EDIL3: variants seen among roughly 807,000 people sequenced by gnomAD.
EDIL3 encodes EGF-like repeat and discoidin I-like domain-containing protein 3.
A neutral mutation model predicts 67.4 loss-of-function variants in EDIL3; 37 were observed. The observed-to-expected ratio is 0.55, with a 90% CI of 0.42 to 0.72. The LOEUF is 0.72. EDIL3 is among the 30% of genes least tolerant of loss of function. EDIL3 has a pLI of 0.00. For synonymous variants in EDIL3, 195 were observed against 196.3 expected (o/e 0.99, Z 0.05); for missense variants, 527 against 586.3 (o/e 0.90, Z 1.04).
At chr5:84,004,135 A>C (rs1408193845) in intron 9 of EDIL3, among the ~76,000 whole-genome samples, 1 of 152,226 alleles carries the variant, frequency 6.6e-6, no homozygotes, top group Non-Finnish European at 1.5e-5. Context: ...AACTATCCTA[A>C]ATATACAGGC....
intron 1 of EDIL3, among the ~76,000 whole-genome samples, chr5:84,288,831 G>A (rs1242777354): frequency 1.3e-5 from 2 of 151,532 alleles, no homozygotes; most frequent in Non-Finnish European, 2.9e-5. Flanking sequence ...CTTGTTTATT[G>A]TCTCTCTTCC....
At chr5:83,959,529 A>T (rs1308045033) in intron 10 of EDIL3, among the ~76,000 whole-genome samples, 1 of 151,044 alleles carries the variant, frequency 6.6e-6, no homozygotes, top group Non-Finnish European at 1.5e-5. Context: ...GCATCTATAA[A>T]ACATCTCACA....
chr5:84,313,275 C>T (rs537670761), intron 1 of EDIL3, among the ~76,000 whole-genome samples: 3 of 152,258 alleles, frequency 2.0e-5, no homozygotes, highest in African/African-American at 7.2e-5. Flanking sequence ...GGAAAAATAA[C>T]CTAAGTCATC....
chr5:84,128,155 T>C (rs985910293), intron 5 of EDIL3, among the ~76,000 whole-genome samples: 1 of 152,122 alleles, frequency 6.6e-6, no homozygotes, highest in Non-Finnish European at 1.5e-5. Flanking sequence ...GCTGTTGCTG[T>C]CACTGCCAAA....
intron 3 of EDIL3, among the ~76,000 whole-genome samples, chr5:84,210,581 A>G (rs570743798): frequency 2.0e-5 from 3 of 152,296 alleles, no homozygotes; most frequent in African/African-American, 7.2e-5. Flanking sequence ...AATTAAAAAA[A>G]AACATATAAG....
At chr5:84,132,320 AT>A (rs1489252134) in intron 5 of EDIL3, among the ~76,000 whole-genome samples, 2 of 82,258 alleles carry the variant, frequency 2.4e-5, no homozygotes, top group African/African-American at 1.0e-4. Context: ...TATTATATAT[AT>A]TTTATATAAT....
intron 1 of EDIL3, among the ~76,000 whole-genome samples, chr5:84,261,505 T>A (rs1415769191): frequency 6.6e-6 from 1 of 152,220 alleles, no homozygotes; most frequent in Non-Finnish European, 1.5e-5. Context: ...GTTAAGAAGG[T>A]GCAATCTGAT....
chr5:84,256,148 C>CATCTATCT (rs1554038573), intron 1 of EDIL3, among the ~76,000 whole-genome samples: 3 of 146,544 alleles, frequency 2.0e-5, no homozygotes, highest in Non-Finnish European at 3.0e-5. Context: ...ATCTATCTAT[C>CATCTATCT]ATCTATCTAT....
chr5:83,965,444 G>A (rs1744672128), intron 9 of EDIL3, among the ~76,000 whole-genome samples: 1 of 151,954 alleles, frequency 6.6e-6, no homozygotes, highest in Non-Finnish European at 1.5e-5. Flanking sequence ...TAATGTTGCT[G>A]GCACTCAATA....
intron 2 of EDIL3, among the ~76,000 whole-genome samples, chr5:84,231,181 G>T (rs554247585): frequency 6.6e-6 from 1 of 152,258 alleles, no homozygotes; most frequent in East Asian, 1.9e-4. Context: ...TGTTTTAAGA[G>T]GTAGGAAGGT....
chr5:84,326,822 CTT>C (rs1341280722), intron 1 of EDIL3, among the ~76,000 whole-genome samples: 6 of 151,734 alleles, frequency 4.0e-5, no homozygotes, highest in Non-Finnish European at 8.8e-5. Flanking sequence ...TACATTCTCT[CTT>C]TGAGAAAATA....
intron 9 of EDIL3, among the ~76,000 whole-genome samples, chr5:84,004,779 A>G (rs1241606156): frequency 6.6e-6 from 1 of 152,156 alleles, no homozygotes; most frequent in Non-Finnish European, 1.5e-5. Flanking sequence ...TAGAGGAACT[A>G]GAACAACAAG....
At chr5:84,063,870 A>G (rs953473446) in intron 8 of EDIL3, among the ~76,000 whole-genome samples, 4 of 152,152 alleles carry the variant, frequency 2.6e-5, no homozygotes, top group African/African-American at 7.2e-5. Flanking sequence ...ATTTCAGGCC[A>G]CTGCAGCAAA....
At chr5:84,244,444 ATT>A (rs527421932) in intron 2 of EDIL3, among the ~76,000 whole-genome samples, 16 of 131,658 alleles carry the variant, frequency 1.2e-4, no homozygotes, top group Middle Eastern at 4.0e-3. Flanking sequence ...ACACCTGGCT[ATT>A]TTTTTTTTTT....
At chr5:83,958,052 T>C (rs1187111654) in intron 10 of EDIL3, among the ~76,000 whole-genome samples, 4 of 151,692 alleles carry the variant, frequency 2.6e-5, no homozygotes, top group Admixed American at 6.6e-5. Context: ...TATTAAAATT[T>C]AATCTTATTT....
chr5:83,970,696 A>G (rs1487871066), intron 9 of EDIL3, among the ~76,000 whole-genome samples: 1 of 133,674 alleles, frequency 7.5e-6, no homozygotes, highest in African/African-American at 3.0e-5. Flanking sequence ...TAAGAACATA[A>G]TTTTTTCAAC....
Position 84,266,837 on chromosome 5 carries a change from C to A in EDIL3, c.68-12625G>T, listed in dbSNP as rs1745362580. Among the ~76,000 whole-genome samples the A allele has an allele frequency of 1.3e-5, 2 of 152,080 alleles. 1 individual carries two copies. The highest frequency in any genetic ancestry group is 4.1e-4 in the South Asian group (2 of 4,830). On this transcript the variant is annotated intron_variant, in intron 1 of 10. Transcript: ENST00000296591. ...TCATATACCCTTGGATTCTTCTATT[C>A]CATTTAGTAGCCTATTTGTTAGTAT...
At chr5:84,274,513 GA>G (rs912434146) in intron 1 of EDIL3, among the ~76,000 whole-genome samples, 1 of 151,780 alleles carries the variant, frequency 6.6e-6, no homozygotes, top group African/African-American at 2.4e-5. Context: ...TTAAGTAGTT[GA>G]AAAAATGCTT....
chr5:84,045,534 T>C (rs991668367), intron 9 of EDIL3, among the ~76,000 whole-genome samples: 1 of 152,158 alleles, frequency 6.6e-6, no homozygotes, highest in Non-Finnish European at 1.5e-5. Flanking sequence ...TGTACATCTA[T>C]TTTTTAAAAT....
Sources: allele counts gnomAD v4.1 joint callset (sites outside exome capture counted in the v4.1 genomes callset), GRCh38; gene constraint gnomAD v4.1.1; transcripts MANE v1.5; gene names NCBI Gene and HGNC (gene_info 2026-07-23, HGNC 2026-07-21).